CLTC: variants seen among roughly 807,000 people sequenced by gnomAD.
CLTC encodes the protein clathrin heavy chain 1.
A neutral mutation model predicts 195.8 loss-of-function variants in CLTC; 16 were observed. That is an observed-to-expected ratio of 0.08 (90% confidence interval 0.06 to 0.12). The LOEUF (loss-of-function observed/expected upper bound fraction) is 0.12, where lower values mean the gene tolerates loss of function less well. CLTC is among the 10% of genes least tolerant of loss of function. The pLI is 1.00. For missense variants in CLTC, 796 were observed against 2,027.0 expected (o/e 0.39, Z 11.66); for synonymous variants, 667 against 689.4 (o/e 0.97, Z 0.51).
chr17:59,675,103 CTT>C (rs1301973267), intron 16 of CLTC, among the ~76,000 whole-genome samples: 4 of 152,062 alleles, frequency 2.6e-5, no homozygotes, highest in African/African-American at 9.7e-5. Context: ...TGTGGTTTGA[CTT>C]TATATGTTTT....
At chr17:59,629,518 ATT>A (rs5821273) in intron 1 of CLTC, among the ~76,000 whole-genome samples, 4 of 126,052 alleles carry the variant, frequency 3.2e-5, no homozygotes, top group Admixed American at 9.0e-5. Context: ...AGAGATCATA[ATT>A]TTTTTTTTTT....
At chr17:59,674,671 T>C (rs1219937871) in intron 15 of CLTC, 30 bp from the exon 16 acceptor site, 4 of 1,586,754 alleles carry the variant, frequency 2.5e-6, no homozygotes, top group Non-Finnish European at 3.4e-6. Flanking sequence ...AATAACATAA[T>C]AACATTCTTC....
chr17:59,668,955 G>C lies in CLTC; in HGVS notation c.2292+15G>C. The C allele has an allele frequency of 6.3e-7, 1 of 1,599,662 alleles. No homozygotes were observed. The highest frequency in any genetic ancestry group is 2.2e-5 in the East Asian group (1 of 44,650). ...ATTTTCTTAAGGTAAGTGGTTTTGA[G>C]TAATGTGTTTTCTGGTTGGATTCCA... On this transcript the variant is annotated intron_variant, in intron 14 of 31. Transcript: ENST00000269122.
At position 59,695,620 on chromosome 17, in the gene CLTC, A is replaced by ACGT. The variant is rs1379050913; in HGVS notation, c.*1770_*1772dup. On this transcript the variant is annotated 3_prime_UTR_variant, in exon 32 of 32. Transcript: ENST00000269122. ...GCAAAGGTTGTAGTGAGCCAAGATC[A>ACGT]CGTCACTGCACTCCATCCTGGGTGA... is the stretch of plus-strand genomic sequence containing the variant. The ACGT allele has an allele frequency of 5.5e-6, 1 of 180,988 alleles. No individual in the cohort carries two copies. The highest frequency in any genetic ancestry group is 1.2e-5 in the Non-Finnish European group (1 of 84,766). 11.2% of individuals were successfully genotyped at this position (180,988 alleles called of 1,614,324 possible).
At position 59,625,291 on chromosome 17, in the gene CLTC, A is replaced by T. The variant is rs1003712789; in HGVS notation, c.42+5118A>T. 1.5e-4 allele frequency among the ~76,000 whole-genome samples: 23 copies of T among 149,966 alleles called. 1 individual carries two copies. In the East Asian group the frequency reaches 3.8e-3, roughly 24 times the overall value. ...GCCCAGCTATTTTTTTTTTATTTTT[A>T]TTTTTTGGTATTTTTAGTAAAGATG... On this transcript the variant is annotated intron_variant, in intron 1 of 31. Coordinates refer to ENST00000269122, the MANE Select transcript of CLTC (RefSeq NM_004859.4).
Position 59,682,363 on chromosome 17 carries a change from A to G in CLTC, c.3535A>G (p.Lys1179Glu). ...VETELIFALA[K>E]TNRLAELEEF... Reference sequence around the variant, plus strand: ...GACAGAACTGATATTCGCACTGGCTAAAACAAACCGCCTTGCAGAGTTAGA... The same window carrying G: ...GACAGAACTGATATTCGCACTGGCTGAAACAAACCGCCTTGCAGAGTTAGA... The change falls in exon 22 of 32, where the codon AAA (lysine) becomes GAA (glutamate). Residue 1179 changes from lysine (K) to glutamate (E), a missense_variant. Around this residue, in one of 9 missense-constraint regions of CLTC, gnomAD observed 50 missense variants for 77.2 expected, o/e 0.65. Coordinates refer to ENST00000269122, the MANE Select transcript of CLTC (RefSeq NM_004859.4). The surrounding 1 kb of genome is among the most constrained non-coding windows in gnomAD (Gnocchi z 6.8). 6.2e-7 allele frequency: 1 copy of G among 1,614,168 alleles called. No homozygotes were observed. Among genetic ancestry groups the G allele is most frequent in the Non-Finnish European group, 8.5e-7 (1 of 1,179,994 alleles).
chr17:59,693,890 T>C lies in CLTC; in HGVS notation c.*38T>C, dbSNP rs779428616. ...ATCCTGTAGTCACCTATTTTCGTACTGAAACATCGTCTTTACCCACTTCTC... is the reference window on the plus strand; with the variant it reads ...ATCCTGTAGTCACCTATTTTCGTACCGAAACATCGTCTTTACCCACTTCTC... On this transcript the variant is annotated 3_prime_UTR_variant, in exon 32 of 32. Transcript: ENST00000269122. 41 of 1,565,196 alleles carry C rather than the reference T, an allele frequency of 2.6e-5. No homozygotes were observed. The South Asian group carries it at 4.7e-4, about 18-fold the overall frequency.
intron 15 of CLTC, among the ~76,000 whole-genome samples, chr17:59,674,482 C>T (rs1206444211): frequency 3.3e-5 from 5 of 151,636 alleles, no homozygotes; most frequent in Admixed American, 3.3e-4. Flanking sequence ...TATGTGCTTT[C>T]AATACTTATT....
At chr17:59,639,205 C>T (rs1406615165) in intron 1 of CLTC, among the ~76,000 whole-genome samples, 1 of 152,140 alleles carries the variant, frequency 6.6e-6, no homozygotes, top group Non-Finnish European at 1.5e-5. Flanking sequence ...GGAGGAAATA[C>T]ATACTTTCAT....
chr17:59,646,561 T>C (rs1178789523), intron 2 of CLTC, among the ~76,000 whole-genome samples: 2 of 152,018 alleles, frequency 1.3e-5, no homozygotes, highest in Non-Finnish European at 2.9e-5. Context: ...AGACTAATCT[T>C]GATAGCCTAG....
intron 14 of CLTC, 32 bp from the exon 15 acceptor site, chr17:59,673,615 T>C: frequency 6.3e-7 from 1 of 1,576,300 alleles, no homozygotes; most frequent in South Asian, 1.1e-5. Flanking sequence ...TAGAAGAAAT[T>C]TAAAGTTTCC....
At chr17:59,675,080 A>C (rs1450619920) in intron 16 of CLTC, among the ~76,000 whole-genome samples, 1 of 152,322 alleles carries the variant, frequency 6.6e-6, no homozygotes, top group East Asian at 1.9e-4. Context: ...TGGCATGTTT[A>C]TAATTACAGC....
At chr17:59,639,820 TAGCC>T (rs2031977291) in intron 1 of CLTC, among the ~76,000 whole-genome samples, 1 of 148,888 alleles carries the variant, frequency 6.7e-6, no homozygotes, top group Non-Finnish European at 1.5e-5. Flanking sequence ...AAAAAAAAAT[TAGCC>T]AGGCATGGTG....
Position 59,694,917 on chromosome 17 carries a change from T to C in CLTC, c.*1065T>C, listed in dbSNP as rs375110062. Reference sequence around the variant, plus strand: ...GTGAAGACATTGTGCATTATATCAATGTGCATTCCTGTAGTTCATTAACAA... The same window carrying C: ...GTGAAGACATTGTGCATTATATCAACGTGCATTCCTGTAGTTCATTAACAA... On this transcript the variant is annotated 3_prime_UTR_variant, in exon 32 of 32. Transcript: ENST00000269122. 4.5e-6 allele frequency: 1 copy of C among 222,606 alleles called. No homozygotes were observed. The highest frequency in any genetic ancestry group is 5.7e-5 in the Admixed American group (1 of 17,454). 13.8% of individuals were successfully genotyped at this position (222,606 alleles called of 1,614,324 possible).
chr17:59,627,551 T>G (rs2031588093), intron 1 of CLTC, among the ~76,000 whole-genome samples: 1 of 152,190 alleles, frequency 6.6e-6, no homozygotes, highest in Admixed American at 6.5e-5. Flanking sequence ...TGTTTATATC[T>G]ATGCTGTGAT....
rs1213510754 is a variant in CLTC, at chr17:59,695,461, G to C, written c.*1609G>C. On this transcript the variant is annotated 3_prime_UTR_variant, in exon 32 of 32. Transcript: ENST00000269122. Reference sequence around the variant, plus strand: ...GCTTGAGGCCAGGAGTTCGAGACAAGCCTGACCAACATGGTGACTCCATCT... The same window carrying C: ...GCTTGAGGCCAGGAGTTCGAGACAACCCTGACCAACATGGTGACTCCATCT... 5.6e-6 allele frequency: 1 copy of C among 177,038 alleles called. No individual in the cohort carries two copies. The highest frequency in any genetic ancestry group is 1.2e-5 in the Non-Finnish European group (1 of 82,396). 11.0% of individuals were successfully genotyped at this position (177,038 alleles called of 1,614,324 possible).
intron 6 of CLTC, among the ~76,000 whole-genome samples, chr17:59,657,301 T>A (rs1264032182): frequency 1.3e-5 from 2 of 152,164 alleles, no homozygotes; most frequent in Non-Finnish European, 2.9e-5. Context: ...TCATAACATT[T>A]ACCATACTTA....
rs2033100927 is a variant in CLTC, at chr17:59,682,525, C to T, written c.3600+97C>T. On this transcript the variant is annotated intron_variant, in intron 22 of 31. Transcript: ENST00000269122. This position sits in a 1 kb window ranked among gnomAD's most constrained non-coding sequence, Gnocchi z 6.8. The stretch of plus-strand genomic sequence containing the variant: ...TAACTGAAGAATTCCAAGGAAAAAT[C>T]TATAGGAAAACAAATTCTTTCTCAT... 1 of 1,577,960 alleles carries T rather than the reference C, an allele frequency of 6.3e-7. No individual in the cohort carries two copies. Among genetic ancestry groups the T allele is most frequent in the South Asian group, 1.1e-5 (1 of 87,092 alleles).
At chr17:59,665,000 G>A (rs2032695362) in intron 10 of CLTC, 91 bp downstream of exon 10, 1 of 1,511,984 alleles carries the variant, frequency 6.6e-7, no homozygotes, top group Non-Finnish European at 8.9e-7. Flanking sequence ...CAAGGTGGGA[G>A]TATTGCTTGA....
Sources: gnomAD v4.1 joint callset for allele counts (sites outside exome capture counted in the v4.1 genomes callset) on GRCh38, gnomAD v4.1.1 for gene constraint, gnomAD v4.1.1 regional missense constraint, Gnocchi (gnomAD v3.1) non-coding constraint, MANE v1.5 for transcripts, NCBI Gene and HGNC (gene_info 2026-07-23, HGNC 2026-07-21) for gene names.